The following KATNAL1 variants were observed in gnomAD, a reference collection of about 807,000 sequenced individuals.
KATNAL1 encodes the protein katanin catalytic subunit A1 like 1, also known as katanin p60 ATPase-containing subunit A-like 1.
A neutral mutation model predicts 55.2 loss-of-function variants in KATNAL1; 32 were observed. The observed-to-expected ratio is 0.58, with a 90% confidence interval of 0.44 to 0.78. The LOEUF (loss-of-function observed/expected upper bound fraction) is 0.78. Among genes scored for constraint, KATNAL1 ranks in the 30% least tolerant of loss-of-function variants. The probability of loss-of-function intolerance (pLI) is 0.00; values close to 1 mark genes in which losing one functional copy is unlikely to be tolerated. For missense variants in KATNAL1, 466 were observed against 600.9 expected (o/e 0.78, Z 2.35); for synonymous variants, 193 against 193.6 (o/e 1.00, Z 0.02).
chr13:30,209,261 C>T (rs983629914), intron 10 of KATNAL1, among the ~76,000 whole-genome samples: 8 of 152,194 alleles, frequency 5.3e-5, no homozygotes, highest in Non-Finnish European at 7.3e-5. Context: ...CTCTTGATCC[C>T]ATGTGCAGCT....
Position 30,267,617 on chromosome 13 carries a change from T to A in KATNAL1, c.324-12002A>T, listed in dbSNP as rs9888460. Among the ~76,000 whole-genome samples, 3 of 152,090 alleles carry A rather than the reference T, an allele frequency of 2.0e-5. No homozygotes were observed. In the East Asian group the frequency reaches 5.8e-4, roughly 29 times the overall value. ...AGATAAGCCCCTCAAGAACTGATAA[T>A]AGAACTACAAAAATAATATGCAGTG... is the stretch of plus-strand genomic sequence containing the variant. On this transcript the variant is annotated intron_variant, in intron 3 of 10. Transcript: ENST00000380615.
intron 3 of KATNAL1, among the ~76,000 whole-genome samples, chr13:30,269,906 AGCCCCCTGCCCG>A (rs1880131453): frequency 6.7e-6 from 1 of 149,256 alleles, no homozygotes; most frequent in Admixed American, 6.6e-5. Flanking sequence ...GGGGGGGGTC[AGCCCCCTGCCCG>A]GCCAGCCGCC....
At chr13:30,249,310 G>A (rs1056548846) in intron 4 of KATNAL1, among the ~76,000 whole-genome samples, 8 of 152,028 alleles carry the variant, frequency 5.3e-5, no homozygotes, top group African/African-American at 1.9e-4. Context: ...GTAGGTAAGA[G>A]GGAAAACTTG....
chr13:30,222,504 G>A (rs796673509), intron 9 of KATNAL1, among the ~76,000 whole-genome samples: 9 of 152,246 alleles, frequency 5.9e-5, no homozygotes, highest in African/African-American at 1.2e-4. Flanking sequence ...ACAAGGTCTC[G>A]CAGGAAGTCA....
Position 30,250,962 on chromosome 13 carries a change from C to T in KATNAL1, c.492+4485G>A, listed in dbSNP as rs151118998. Among the ~76,000 whole-genome samples the T allele has an allele frequency of 4.2e-4, 64 of 152,222 alleles. No individual in the cohort carries two copies. The East Asian group carries it at 0.011, about 26-fold the overall frequency. The stretch of plus-strand genomic sequence containing the variant: ...GACCATCCTGGATAACACGGTGAAA[C>T]CCCATCTCTACTAAAAGTACAAAAA... On this transcript the variant is annotated intron_variant, in intron 4 of 10. Transcript: ENST00000380615.
At chr13:30,255,802 TACTGGCTGATACA>T (rs1878735203) in intron 3 of KATNAL1, among the ~76,000 whole-genome samples, 187 bp from the exon 4 acceptor site, 1 of 152,100 alleles carries the variant, frequency 6.6e-6, no homozygotes, top group African/African-American at 2.4e-5. Flanking sequence ...TTCTAAAATA[TACTGGCTGATACA>T]ATTATTAAAT....
chr13:30,229,122 C>G (rs1593852634), intron 8 of KATNAL1, among the ~76,000 whole-genome samples: 1 of 151,800 alleles, frequency 6.6e-6, no homozygotes, highest in Admixed American at 6.6e-5. Flanking sequence ...TCTTGTCTAC[C>G]ACACAGCTAA....
intron 1 of KATNAL1, chr13:30,296,722 C>T: frequency 3.5e-6 from 2 of 566,510 alleles, no homozygotes; most frequent in South Asian, 1.5e-5. Flanking sequence ...GAATATTTCT[C>T]CAAACAAAAT....
rs551223019 is a variant in KATNAL1 at position 30,234,140 on chromosome 13, G to C, written c.727-2668C>G. 2.0e-5 allele frequency among the ~76,000 whole-genome samples: 3 copies of C among 152,262 alleles called. No individual in the cohort carries two copies. The South Asian group carries it at 6.2e-4, about 32-fold the overall frequency. On this transcript the variant is annotated intron_variant, in intron 6 of 10. Coordinates refer to ENST00000380615, the MANE Select transcript of KATNAL1 (RefSeq NM_032116.5). The stretch of plus-strand genomic sequence containing the variant: ...CTGATTGGATCTTTACAAATTATGT[G>C]AATGTATTAAATTATCACGAGCCCC...
At chr13:30,212,483 T>C (rs1397914762) in intron 9 of KATNAL1, among the ~76,000 whole-genome samples, 1 of 152,234 alleles carries the variant, frequency 6.6e-6, no homozygotes, top group East Asian at 1.9e-4. Flanking sequence ...TCAGGGCCAG[T>C]AGCTCCAGCC....
At chr13:30,237,222 A>C (rs1432758667) in intron 6 of KATNAL1, among the ~76,000 whole-genome samples, 1 of 152,038 alleles carries the variant, frequency 6.6e-6, no homozygotes, top group African/African-American at 2.4e-5. Context: ...AATACTCAAT[A>C]AATATGTATT....
At chr13:30,249,780 T>A (rs1475352889) in intron 4 of KATNAL1, among the ~76,000 whole-genome samples, 1 of 152,196 alleles carries the variant, frequency 6.6e-6, no homozygotes, top group Non-Finnish European at 1.5e-5. Flanking sequence ...AAATGTTCGA[T>A]TTCTTGACCC....
intron 4 of KATNAL1, among the ~76,000 whole-genome samples, chr13:30,254,750 TG>T (rs1301744453): frequency 6.6e-6 from 1 of 152,166 alleles, no homozygotes; most frequent in African/African-American, 2.4e-5. Flanking sequence ...GACATCACGG[TG>T]GAAACAGGAA....
intron 9 of KATNAL1, among the ~76,000 whole-genome samples, chr13:30,213,231 T>C (rs1331057601): frequency 6.6e-6 from 1 of 152,142 alleles, no homozygotes; most frequent in Non-Finnish European, 1.5e-5. Flanking sequence ...AGGAAGAAGT[T>C]GAATCTCTGA....
chr13:30,216,722 G>C (rs1157842039), intron 9 of KATNAL1, among the ~76,000 whole-genome samples: 1 of 152,226 alleles, frequency 6.6e-6, no homozygotes, highest in Non-Finnish European at 1.5e-5. Context: ...GGAAGCTCCT[G>C]TGCCTACCGA....
chr13:30,233,258 A>T (rs968758306), intron 6 of KATNAL1, among the ~76,000 whole-genome samples: 1 of 152,216 alleles, frequency 6.6e-6, no homozygotes, highest in Non-Finnish European at 1.5e-5. Flanking sequence ...GCAACTCAAT[A>T]GCAAAAAGAC....
At chr13:30,262,168 A>C (rs1879349194) in intron 3 of KATNAL1, among the ~76,000 whole-genome samples, 1 of 151,782 alleles carries the variant, frequency 6.6e-6, no homozygotes, top group African/African-American at 2.4e-5. Flanking sequence ...CTTTGAAACC[A>C]ACGAGAACAA....
chr13:30,227,672 T>C, intron 8 of KATNAL1, 126 bp from the exon 9 acceptor site: 1 of 840,588 alleles, frequency 1.2e-6, no homozygotes, highest in Non-Finnish European at 1.8e-6. Context: ...CTGACCTCTG[T>C]GTGGTGGCAA....
intron 3 of KATNAL1, among the ~76,000 whole-genome samples, chr13:30,266,118 G>A (rs577626249): frequency 2.0e-5 from 3 of 151,376 alleles, no homozygotes; most frequent in African/African-American, 7.3e-5. Flanking sequence ...AGGTTCAAGC[G>A]ATTCTTCTGC....
Sources: allele counts gnomAD v4.1 joint callset (sites outside exome capture counted in the v4.1 genomes callset), GRCh38; gene constraint gnomAD v4.1.1; transcripts MANE v1.5; gene names NCBI Gene and HGNC (gene_info 2026-07-23, HGNC 2026-07-21).